Variants in RXRA observed in about 807,000 individuals in gnomAD.
The protein encoded by RXRA is retinoic acid receptor RXR-alpha.
Under a neutral mutation model 44.5 loss-of-function variants are expected in RXRA, and 5 were observed. The ratio of observed to expected loss-of-function variants is 0.11; its 90% CI spans 0.06 to 0.24. RXRA has a LOEUF of 0.24. RXRA is among the 10% of genes least tolerant of loss of function. RXRA has a pLI of 1.00. For missense variants in RXRA, 412 were observed against 646.5 expected, an observed-to-expected ratio of 0.64 and a Z score of 3.93; for synonymous variants, 291 against 271.4, an observed-to-expected ratio of 1.07 and a Z score of -0.71.
rs971738267 is a variant in RXRA, at chr9:134,342,850, G to T, written c.28+16191G>T. On this transcript the variant is annotated intron_variant, in intron 1 of 9. Coordinates refer to ENST00000481739, the MANE Select transcript of RXRA (RefSeq NM_002957.6). This position sits in a 1 kb window ranked among gnomAD's most constrained non-coding sequence, Gnocchi z 4.4. The stretch of plus-strand genomic sequence containing the variant: ...AGGTTGAGCGCAGGTGGTGGCTGTG[G>T]CCCTGCCACCACCACAGTGACCTTC... Among the ~76,000 whole-genome samples the T allele has an allele frequency of 1.3e-5, 2 of 152,192 alleles. No homozygotes were observed. Among genetic ancestry groups the T allele is most frequent in the Admixed American group, 1.3e-4 (2 of 15,288 alleles).
intron 1 of RXRA, among the ~76,000 whole-genome samples, chr9:134,346,956 C>T (rs998006880): frequency 6.6e-6 from 1 of 152,176 alleles, no homozygotes; most frequent in Non-Finnish European, 1.5e-5. Context: ...AGAGGCACTG[C>T]TTCCAGGCAC....
At chr9:134,330,999 G>C (rs1834996274) in intron 1 of RXRA, among the ~76,000 whole-genome samples, 1 of 152,176 alleles carries the variant, frequency 6.6e-6, no homozygotes, top group South Asian at 2.1e-4. Context: ...CACTGGACCA[G>C]AACAGGCCAT....
At chr9:134,416,958 T>A (rs373154435) in intron 4 of RXRA, among the ~76,000 whole-genome samples, 200 bp from the exon 5 acceptor site, 1 of 152,168 alleles carries the variant, frequency 6.6e-6, no homozygotes, top group South Asian at 2.1e-4. Context: ...TAATGAGAGT[T>A]GGCCTCTGTT....
At chr9:134,359,979 C>T (rs907495867) in intron 1 of RXRA, among the ~76,000 whole-genome samples, 28 of 152,334 alleles carry the variant, frequency 1.8e-4, no homozygotes, top group African/African-American at 5.1e-4. Flanking sequence ...CTTCTGGAGC[C>T]GCGGGGGTCC....
rs1554748196 is a variant in RXRA, at chr9:134,342,438, G to T, written c.28+15779G>T. 1.3e-5 allele frequency among the ~76,000 whole-genome samples: 2 copies of T among 152,180 alleles called. No homozygotes were observed. Among genetic ancestry groups the T allele is most frequent in the Non-Finnish European group, 1.5e-5 (1 of 68,026 alleles). On this transcript the variant is annotated intron_variant, in intron 1 of 9. Transcript: ENST00000481739. This position sits in a 1 kb window ranked among gnomAD's most constrained non-coding sequence, Gnocchi z 4.4. The stretch of plus-strand genomic sequence containing the variant: ...AGGGGCCGATCCTTGCCCTTTCCCT[G>T]CCAGGAAACTGAGGCACAGAGAGCA...
At chr9:134,428,635 G>A (rs7853153) in intron 6 of RXRA, among the ~76,000 whole-genome samples, 5,055 of 148,792 alleles carry the variant, frequency 0.034, 155 homozygotes, top group African/African-American at 0.062. Context: ...GAATCCCCCC[G>A]AAAGAGGCTG....
intron 4 of RXRA, among the ~76,000 whole-genome samples, chr9:134,411,185 A>C: frequency 6.6e-6 from 1 of 152,154 alleles, no homozygotes; most frequent in Non-Finnish European, 1.5e-5. Context: ...CGGACCCTCC[A>C]GGCTGCACTG....
rs1307534875 is a variant in RXRA, at chr9:134,436,485, C to T, written c.1260C>T (p.Leu420=). Reference sequence around the variant, plus strand: ...CCTGCAGGTTCGCTAAGCTCTTGCTCCGCCTGCCGGCTCTGCGCTCCATCG... The same window carrying T: ...CCTGCAGGTTCGCTAAGCTCTTGCTTCGCCTGCCGGCTCTGCGCTCCATCG... ...EQPGRFAKLL[L]RLPALRSIGL... is the part of the protein sequence containing the mutation. Residue 420 remains leucine (L), a synonymous_variant, in exon 10 of 10, where the codon CTC becomes CTT. Coordinates refer to ENST00000481739, the MANE Select transcript of RXRA (RefSeq NM_002957.6). 2 of 1,613,992 alleles carry T rather than the reference C, an allele frequency of 1.2e-6. No individual in the cohort carries two copies. Among genetic ancestry groups the T allele is most frequent in the African/African-American group, 2.7e-5 (2 of 74,964 alleles).
intron 1 of RXRA, among the ~76,000 whole-genome samples, chr9:134,385,241 C>G (rs1397306393): frequency 1.3e-5 from 2 of 152,188 alleles, no homozygotes; most frequent in Non-Finnish European, 2.9e-5. Context: ...TCCACACCCC[C>G]ACACTCACTA....
chr9:134,428,300 G>T (rs1159237748), intron 6 of RXRA, among the ~76,000 whole-genome samples: 1 of 143,280 alleles, frequency 7.0e-6, no homozygotes, highest in Non-Finnish European at 1.5e-5. Flanking sequence ...TTGAGGGGCT[G>T]CTGTTACCTA....
At chr9:134,429,378 A>G in intron 7 of RXRA, 138 bp downstream of exon 7, 1 of 950,420 alleles carries the variant, frequency 1.1e-6, no homozygotes, top group Non-Finnish European at 1.5e-6. Context: ...ATGGAAAAAG[A>G]GAAAAGCATG....
chr9:134,390,272 C>T (rs776523440), intron 1 of RXRA, among the ~76,000 whole-genome samples: 11 of 152,192 alleles, frequency 7.2e-5, no homozygotes, highest in Non-Finnish European at 1.5e-4. Context: ...TCAGACCTAG[C>T]CCAGGCCAGG....
chr9:134,361,204 G>T (rs1320051632), intron 1 of RXRA, among the ~76,000 whole-genome samples: 1 of 152,164 alleles, frequency 6.6e-6, no homozygotes, highest in Non-Finnish European at 1.5e-5. Flanking sequence ...AACCTTTTCC[G>T]GTTGGGCACT....
At chr9:134,428,867 CCACAAAG>C (rs1267139302) in intron 6 of RXRA, among the ~76,000 whole-genome samples, 2 of 152,200 alleles carry the variant, frequency 1.3e-5, no homozygotes, top group Non-Finnish European at 2.9e-5. Context: ...CTCCCGGGTT[CCACAAAG>C]CTCAAGGGAC....
Position 134,417,060 on chromosome 9 carries a change from A to G in RXRA, c.611-98A>G, listed in dbSNP as rs774747468. ...GGTGGGGATGCTGGTGTTGTGGGTG[A>G]GTTGGCTGGGAGCTGGCACCACCCG... On this transcript the variant is annotated intron_variant, in intron 4 of 9. Transcript: ENST00000481739. The surrounding 1 kb of genome is among the most constrained non-coding windows in gnomAD (Gnocchi z 6.1). The G allele has an allele frequency of 6.0e-5, 78 of 1,299,086 alleles. No individual in the cohort carries two copies. The highest frequency in any genetic ancestry group is 8.0e-5 in the Non-Finnish European group (76 of 949,582). 80.5% of individuals were successfully genotyped at this position (1,299,086 alleles called of 1,614,324 possible). A position where few individuals can be genotyped will look rare whatever the true frequency, so the allele number is the denominator to read the frequency against.
At chr9:134,379,814 G>C (rs1450146616) in intron 1 of RXRA, 1 of 985,154 alleles carries the variant, frequency 1.0e-6, no homozygotes, top group African/African-American at 1.7e-5. Flanking sequence ...GTCTTCCCCA[G>C]CTCCAACCCT....
chr9:134,397,370 G>A (rs1324614459), intron 1 of RXRA, among the ~76,000 whole-genome samples: 2 of 152,142 alleles, frequency 1.3e-5, no homozygotes, highest in African/African-American at 2.4e-5. Flanking sequence ...TCTGCCATCT[G>A]GGGGCCCAGG....
At chr9:134,375,829 G>T (rs953974254) in intron 1 of RXRA, among the ~76,000 whole-genome samples, 2 of 152,026 alleles carry the variant, frequency 1.3e-5, no homozygotes, top group African/African-American at 4.8e-5. Context: ...TTAGTGGCTG[G>T]GGGATGCTGA....
At chr9:134,423,577 C>T (rs753084496) in intron 6 of RXRA, 33 of 985,196 alleles carry the variant, frequency 3.3e-5, no homozygotes, top group Admixed American at 6.1e-5. Context: ...TGGGCCCCGC[C>T]GGAGGAGCCA....
Sources: allele counts gnomAD v4.1 joint callset (sites outside exome capture counted in the v4.1 genomes callset), GRCh38; gene constraint gnomAD v4.1.1; non-coding constraint Gnocchi (gnomAD v3.1); transcripts MANE v1.5; gene names NCBI Gene and HGNC (gene_info 2026-07-23, HGNC 2026-07-21).